CABLES1: variants seen among roughly 807,000 people sequenced by gnomAD.
CABLES1 encodes the protein Cdk5 and Abl enzyme substrate 1, also known as CDK5 and ABL1 enzyme substrate 1.
In CABLES1, 36 loss-of-function variants were observed where a neutral mutation model predicts 57.8. That is an observed-to-expected ratio of 0.62 (90% CI 0.48 to 0.82). The LOEUF (loss-of-function observed/expected upper bound fraction) is 0.82. Among genes scored for constraint, CABLES1 ranks in the 40% least tolerant of loss-of-function variants. The probability of loss-of-function intolerance (pLI) is 0.00; values close to 1 mark genes in which losing one functional copy is unlikely to be tolerated. For missense variants in CABLES1, 767 were observed against 836.6 expected (o/e 0.92, Z 1.03); for synonymous variants, 374 against 363.0 (o/e 1.03, Z -0.35).
At chr18:23,162,341 A>G (rs758536981) in intron 1 of CABLES1, among the ~76,000 whole-genome samples, 17 of 152,224 alleles carry the variant, frequency 1.1e-4, no homozygotes, top group Non-Finnish European at 2.1e-4. Flanking sequence ...CAAGACATTC[A>G]TTATTAGCTT....
At chr18:23,159,624 C>T (rs901448832) in intron 1 of CABLES1, among the ~76,000 whole-genome samples, 2 of 152,144 alleles carry the variant, frequency 1.3e-5, no homozygotes, top group East Asian at 1.9e-4. Context: ...GGCGACGGGA[C>T]GAGATACACT....
At chr18:23,251,180 C>T (rs924342757) in intron 7 of CABLES1, among the ~76,000 whole-genome samples, 9 of 152,208 alleles carry the variant, frequency 5.9e-5, no homozygotes, top group Admixed American at 2.6e-4. Context: ...AGGCCGGGCA[C>T]GGTTGCTCAT....
chr18:23,166,652 G>A (rs554254722), intron 1 of CABLES1, among the ~76,000 whole-genome samples: 12 of 152,270 alleles, frequency 7.9e-5, no homozygotes, highest in East Asian at 3.9e-4. Context: ...TGTAGGACAC[G>A]CACACACAGG....
At chr18:23,223,350 C>A (rs369071143) in intron 4 of CABLES1, among the ~76,000 whole-genome samples, 2 of 151,982 alleles carry the variant, frequency 1.3e-5, no homozygotes, top group African/African-American at 2.4e-5. Context: ...GAGGCCGAGG[C>A]GGGCGAATCA....
At chr18:23,239,976 G>T (rs1479433854) in intron 7 of CABLES1, among the ~76,000 whole-genome samples, 2 of 152,206 alleles carry the variant, frequency 1.3e-5, no homozygotes, top group African/African-American at 4.8e-5. Flanking sequence ...AAATTAGCCA[G>T]GTGTGGTGTT....
At chr18:23,219,938 G>A (rs889507450) in intron 4 of CABLES1, among the ~76,000 whole-genome samples, 2 of 152,078 alleles carry the variant, frequency 1.3e-5, no homozygotes, top group African/African-American at 4.8e-5. Context: ...GGCAGATCTG[G>A]TGGCTTCTTG....
At chr18:23,233,980 G>A (rs2145081075) in intron 4 of CABLES1, among the ~76,000 whole-genome samples, 1 of 152,254 alleles carries the variant, frequency 6.6e-6, no homozygotes. Flanking sequence ...ACTTTGGGAG[G>A]CTGAGATGGG....
chr18:23,248,541 A>ATTTTTTTTTT (rs1379885744), intron 7 of CABLES1, among the ~76,000 whole-genome samples: 3 of 99,852 alleles, frequency 3.0e-5, no homozygotes, highest in Non-Finnish European at 4.1e-5. Flanking sequence ...TTTTTTTTAA[A>ATTTTTTTTTT]AAAAGGCTGG....
intron 1 of CABLES1, among the ~76,000 whole-genome samples, chr18:23,160,334 G>A (rs538764343): frequency 1.3e-5 from 2 of 152,226 alleles, no homozygotes; most frequent in South Asian, 4.1e-4. Flanking sequence ...TAGCCGTGTT[G>A]GTTTTCAAAT....
At chr18:23,160,304 C>T (rs1598804457) in intron 1 of CABLES1, among the ~76,000 whole-genome samples, 2 of 152,190 alleles carry the variant, frequency 1.3e-5, no homozygotes, top group African/African-American at 2.4e-5. Context: ...GCTGGGATTA[C>T]AGGCGTGAGC....
At position 23,155,998 on chromosome 18, in the gene CABLES1, G is replaced by GT. The variant is rs777976511; in HGVS notation, c.845+19398dup. On this transcript the variant is annotated intron_variant, in intron 1 of 9. Transcript: ENST00000256925. ...CTGGGTGACCCAGAGAGCTGAGTCT[G>GT]TTTTTTTGGCTCCCCCCTTTGGATG... 21 of 1,610,478 alleles carry GT rather than the reference G, an allele frequency of 1.3e-5. No homozygotes were observed. The Admixed American group carries it at 1.8e-4, about 14-fold the overall frequency.
intron 1 of CABLES1, among the ~76,000 whole-genome samples, chr18:23,154,936 C>G (rs893804609): frequency 3.3e-5 from 5 of 152,188 alleles, no homozygotes; most frequent in African/African-American, 1.2e-4. Flanking sequence ...CCATCCAGCC[C>G]CTGTTGGTGG....
intron 4 of CABLES1, among the ~76,000 whole-genome samples, chr18:23,226,670 G>A (rs921296095): frequency 6.6e-6 from 1 of 152,144 alleles, no homozygotes; most frequent in African/African-American, 2.4e-5. Flanking sequence ...CGACCCACTG[G>A]TGAGTGAGAG....
chr18:23,236,772 G>A (rs1007527544), intron 6 of CABLES1, among the ~76,000 whole-genome samples: 3 of 152,164 alleles, frequency 2.0e-5, no homozygotes, highest in Admixed American at 6.5e-5. Flanking sequence ...CTGCACAGGC[G>A]TCTCCAAATT....
At chr18:23,210,561 C>T (rs745528861) in intron 3 of CABLES1, among the ~76,000 whole-genome samples, 3 of 152,202 alleles carry the variant, frequency 2.0e-5, no homozygotes, top group Non-Finnish European at 4.4e-5. Context: ...AAGAGAAAAG[C>T]TGCAAATTCA....
chr18:23,156,294 A>G (rs1333978506), intron 1 of CABLES1, among the ~76,000 whole-genome samples: 1 of 152,068 alleles, frequency 6.6e-6, no homozygotes, highest in Non-Finnish European at 1.5e-5. Flanking sequence ...AGCTCCATAG[A>G]CCTTGGATGG....
At chr18:23,207,410 C>T (rs955915057) in intron 3 of CABLES1, among the ~76,000 whole-genome samples, 9 of 152,218 alleles carry the variant, frequency 5.9e-5, no homozygotes, top group African/African-American at 2.2e-4. Context: ...GTTTTCCCGC[C>T]AGCATATCTT....
chr18:23,247,307 C>T (rs891843063), intron 7 of CABLES1, among the ~76,000 whole-genome samples: 2 of 152,232 alleles, frequency 1.3e-5, no homozygotes, highest in Non-Finnish European at 2.9e-5. Flanking sequence ...GAGAGGACAT[C>T]GAGGACTGTC....
At chr18:23,210,435 G>GT (rs1348488982) in intron 3 of CABLES1, among the ~76,000 whole-genome samples, 1 of 152,164 alleles carries the variant, frequency 6.6e-6, no homozygotes, top group Non-Finnish European at 1.5e-5. Context: ...TGTGCTTGTT[G>GT]TTTATGTCAT....
Sources: gnomAD v4.1 joint callset for allele counts (sites outside exome capture counted in the v4.1 genomes callset) on GRCh38, gnomAD v4.1.1 for gene constraint, MANE v1.5 for transcripts, NCBI Gene and HGNC (gene_info 2026-07-23, HGNC 2026-07-21) for gene names.